The following SYT16 variants were observed in gnomAD, a reference collection of about 807,000 sequenced individuals.
The protein encoded by SYT16 is synaptotagmin-16.
Under a neutral mutation model 61.4 loss-of-function variants are expected in SYT16, and 42 were observed. The ratio of observed to expected loss-of-function variants is 0.68; its 90% confidence interval spans 0.53 to 0.89. SYT16 has a LOEUF of 0.89. Among genes scored for constraint, SYT16 ranks in the 40% least tolerant of loss-of-function variants. The probability of loss-of-function intolerance (pLI) is 0.00; values close to 1 mark genes in which losing one functional copy is unlikely to be tolerated. For missense variants in SYT16, 804 were observed against 807.3 expected, an observed-to-expected ratio of 1.00 and a Z score of 0.05; for synonymous variants, 314 against 302.3, an observed-to-expected ratio of 1.04 and a Z score of -0.40.
intron 2 of SYT16, among the ~76,000 whole-genome samples, chr14:61,976,070 A>G (rs537932488): frequency 4.3e-4 from 66 of 152,358 alleles, no homozygotes; most frequent in African/African-American, 1.6e-3. Flanking sequence ...AAGGGGCTAC[A>G]GGCCCCATGC....
chr14:61,865,139 G>A, intron 1 of SYT16: 1 of 1,264,594 alleles, frequency 7.9e-7, no homozygotes, highest in Admixed American at 1.7e-5. Flanking sequence ...CTCAGCCACC[G>A]ATAAATGCCG....
chr14:61,897,189 TGAG>T (rs948503061), intron 1 of SYT16: 1 of 152,222 alleles, frequency 6.6e-6, no homozygotes, highest in Admixed American at 6.5e-5. Context: ...TTGGCAGAGA[TGAG>T]GAGTAGCAAC....
intron 1 of SYT16, among the ~76,000 whole-genome samples, chr14:61,858,844 C>CTTTTA (rs2046864002): frequency 7.0e-6 from 1 of 142,824 alleles, no homozygotes; most frequent in African/African-American, 2.7e-5. Context: ...TTTCTTTTTT[C>CTTTTA]TTTTCTTTTC....
chr14:62,062,496 T>C (rs1032721592), intron 3 of SYT16, among the ~76,000 whole-genome samples: 4 of 152,238 alleles, frequency 2.6e-5, no homozygotes, highest in East Asian at 1.9e-4. Flanking sequence ...TACGTTGGCA[T>C]TGAAGCTCCT....
intron 3 of SYT16, among the ~76,000 whole-genome samples, chr14:62,006,371 A>C (rs914353335): frequency 2.0e-5 from 3 of 152,146 alleles, no homozygotes. Context: ...TCGGTGATTT[A>C]TGTGCACGTC....
intron 1 of SYT16, among the ~76,000 whole-genome samples, chr14:61,946,949 G>A (rs1227706838): frequency 1.3e-5 from 2 of 152,064 alleles, no homozygotes; most frequent in African/African-American, 4.8e-5. Flanking sequence ...AGAACGGTTG[G>A]ACTGCTTGGC....
intron 3 of SYT16, among the ~76,000 whole-genome samples, chr14:62,013,566 T>A (rs931768484): frequency 1.3e-5 from 2 of 152,314 alleles, no homozygotes; most frequent in South Asian, 2.1e-4. Context: ...CATGTTTTTT[T>A]GTTTGTTTGT....
At chr14:61,943,274 C>A (rs997640955) in intron 1 of SYT16, among the ~76,000 whole-genome samples, 1 of 152,134 alleles carries the variant, frequency 6.6e-6, no homozygotes, top group East Asian at 1.9e-4. Context: ...CAAGACCAGA[C>A]GGATTCACAG....
chr14:61,849,940 T>G (rs1219221702), intron 1 of SYT16, among the ~76,000 whole-genome samples: 1 of 152,148 alleles, frequency 6.6e-6, no homozygotes, highest in Non-Finnish European at 1.5e-5. Context: ...GATGATTTAT[T>G]TTTCTCTTGG....
At chr14:61,962,133 G>A (rs557905234) in intron 1 of SYT16, among the ~76,000 whole-genome samples, 1 of 152,208 alleles carries the variant, frequency 6.6e-6, no homozygotes, top group East Asian at 1.9e-4. Flanking sequence ...GAGAATGGGA[G>A]GAGGGTAAGA....
intron 1 of SYT16, among the ~76,000 whole-genome samples, chr14:61,941,349 C>T (rs180835582): frequency 5.9e-5 from 9 of 152,286 alleles, no homozygotes; most frequent in Admixed American, 2.6e-4. Context: ...ATATATAAAC[C>T]AGTAATAATT....
chr14:61,894,684 C>T (rs764507873), intron 1 of SYT16, among the ~76,000 whole-genome samples: 50 of 152,016 alleles, frequency 3.3e-4, no homozygotes, highest in Non-Finnish European at 6.3e-4. Flanking sequence ...TATCTAGGGC[C>T]CAGTGTGGTC....
At chr14:61,845,282 C>T (rs185994348) in intron 1 of SYT16, among the ~76,000 whole-genome samples, 2 of 151,926 alleles carry the variant, frequency 1.3e-5, no homozygotes, top group Admixed American at 6.6e-5. Context: ...CTCCTGACCT[C>T]GTGATTCGCC....
chr14:61,902,439 C>T (rs1434327665), intron 1 of SYT16, among the ~76,000 whole-genome samples: 2 of 152,198 alleles, frequency 1.3e-5, no homozygotes, highest in Non-Finnish European at 2.9e-5. Flanking sequence ...TGATTTCTTC[C>T]TCTGTGTTCC....
chr14:62,035,207 A>G (rs1290967977), intron 3 of SYT16, among the ~76,000 whole-genome samples: 2 of 152,130 alleles, frequency 1.3e-5, no homozygotes, highest in Non-Finnish European at 2.9e-5. Flanking sequence ...CTTAAATCCA[A>G]TTTGGATCAT....
intron 1 of SYT16, among the ~76,000 whole-genome samples, chr14:61,906,787 G>GTCCATCCATCCATCCA (rs60022651): frequency 0.023 from 3,232 of 142,368 alleles, 86 homozygotes; most frequent in African/African-American, 0.057. Context: ...CCGTCCGTCC[G>GTCCATCCATCCATCCA]TCCATCCATC....
At chr14:61,903,458 CT>C (rs2048593679) in intron 1 of SYT16, among the ~76,000 whole-genome samples, 1 of 152,100 alleles carries the variant, frequency 6.6e-6, no homozygotes, top group South Asian at 2.1e-4. Context: ...GAGATAGTAA[CT>C]TGTGAAAGGA....
At chr14:61,925,602 TAC>T (rs1028070041) in intron 1 of SYT16, among the ~76,000 whole-genome samples, 19 of 152,234 alleles carry the variant, frequency 1.2e-4, no homozygotes, top group African/African-American at 4.1e-4. Context: ...TAGAAATGCA[TAC>T]ACAGTTTTCC....
At chr14:62,034,383 C>G (rs1408043129) in intron 3 of SYT16, among the ~76,000 whole-genome samples, 2 of 152,092 alleles carry the variant, frequency 1.3e-5, no homozygotes, top group Non-Finnish European at 2.9e-5. Flanking sequence ...AACATATGTT[C>G]AAACAAAATC....
Sources: allele counts gnomAD v4.1 joint callset (sites outside exome capture counted in the v4.1 genomes callset), GRCh38; gene constraint gnomAD v4.1.1; transcripts MANE v1.5; gene names NCBI Gene and HGNC (gene_info 2026-07-23, HGNC 2026-07-21).